Variants in SLURP2 observed in about 807,000 individuals in gnomAD.
The protein encoded by SLURP2 is secreted Ly-6/uPAR domain-containing protein 2.
Under a neutral mutation model 9.8 loss-of-function variants are expected in SLURP2, and 4 were observed. The ratio of observed to expected loss-of-function variants is 0.41; its 90% CI spans 0.20 to 0.94. The LOEUF (loss-of-function observed/expected upper bound fraction) is 0.94. Among genes scored for constraint, SLURP2 ranks in the 40% least tolerant of loss-of-function variants. The pLI is 0.32. For missense variants in SLURP2, 118 were observed against 126.4 expected, an observed-to-expected ratio of 0.93 and a Z score of 0.32; for synonymous variants, 58 against 56.2, an observed-to-expected ratio of 1.03 and a Z score of -0.15.
chr8:142,767,514 C>A (rs752939923), intron 1 of SLURP2, among the ~76,000 whole-genome samples: 54 of 152,160 alleles, frequency 3.5e-4, no homozygotes, highest in African/African-American at 9.4e-4. Context: ...GATATGGGTG[C>A]CCAAGGGTGC....
At position 142,768,905 on chromosome 8, in the gene SLURP2, G is replaced by C. The variant is rs587707829; in HGVS notation, c.52+850C>G. Among the ~76,000 whole-genome samples, 404 of 152,284 alleles carry C rather than the reference G, an allele frequency of 2.7e-3. 5 individuals are homozygous for C. The highest frequency in any genetic ancestry group is 8.9e-3 in the African/African-American group (370 of 41,552). On this transcript the variant is annotated intron_variant, in intron 1 of 2. Coordinates refer to ENST00000317543, the MANE Select transcript of SLURP2 (RefSeq NM_177458.3). The surrounding 1 kb of genome is among the most constrained non-coding windows in gnomAD (Gnocchi z 4.8). ...GCTCATTCAGGGCCTGGGAGGCAGG[G>C]GCTGCCCAGGTCGTTCAACCCACAG...
Position 142,764,508 on chromosome 8 carries a change from G to C in SLURP2, c.*97C>G, listed in dbSNP as rs757711137. The C allele has an allele frequency of 7.9e-7, 1 of 1,270,946 alleles. No individual in the cohort carries two copies. Among genetic ancestry groups the C allele is most frequent in the Non-Finnish European group, 1.1e-6 (1 of 897,056 alleles). The allele number at this position is 1,270,946 out of a possible 1,614,324, so 78.7% of individuals were successfully genotyped here. On this transcript the variant is annotated 3_prime_UTR_variant, in exon 3 of 3. Coordinates refer to ENST00000317543, the MANE Select transcript of SLURP2 (RefSeq NM_177458.3). ...TGGCTGCAGAGGCCGGGAGAGGTGG[G>C]CTGGCCAGTCTCGAGGGAGGGGCAG...
At chr8:142,764,948 G>A in intron 2 of SLURP2, 88 bp downstream of exon 2, 1 of 1,230,750 alleles carries the variant, frequency 8.1e-7, no homozygotes, top group Non-Finnish European at 1.2e-6. Flanking sequence ...CTTACTGGGT[G>A]CCTGGATCTG....
In SLURP2 at chr8:142,764,536, G is replaced by C. The variant is rs762373757; in HGVS notation, c.*69C>G. 6.5e-7 allele frequency: 1 copy of C among 1,535,892 alleles called. No homozygotes were observed. Among genetic ancestry groups the C allele is most frequent in the African/African-American group, 1.4e-5 (1 of 72,458 alleles). On this transcript the variant is annotated 3_prime_UTR_variant, in exon 3 of 3. Transcript: ENST00000317543. ...GGCCAGTCTCGAGGGAGGGGCAGCT[G>C]TGAGCCCTGGCGCCAGGCTGTGGGG...
chr8:142,764,552 G>C lies in SLURP2; in HGVS notation c.*53C>G, dbSNP rs1587602020. The C allele has an allele frequency of 6.3e-7, 1 of 1,575,074 alleles. No individual in the cohort carries two copies. The highest frequency in any genetic ancestry group is 8.6e-7 in the Non-Finnish European group (1 of 1,160,218). ...GGGGCAGCTGTGAGCCCTGGCGCCA[G>C]GCTGTGGGGGCTGTGGGGGCTGAGC... On this transcript the variant is annotated 3_prime_UTR_variant, in exon 3 of 3. Transcript: ENST00000317543.
In SLURP2 at chr8:142,768,231, T is replaced by TG. The variant is rs200808819; in HGVS notation, c.52+1523dup. On this transcript the variant is annotated intron_variant, in intron 1 of 2. Coordinates refer to ENST00000317543, the MANE Select transcript of SLURP2 (RefSeq NM_177458.3). The surrounding 1 kb of genome is among the most constrained non-coding windows in gnomAD (Gnocchi z 4.8). ...AATAGAGAGGAGGAGGGAGGTGGGG[T>TG]GGGGGGGAGGGGGCAGGAATAATGG... is the stretch of plus-strand genomic sequence containing the variant. Among the ~76,000 whole-genome samples, 9 of 6,642 alleles carry TG rather than the reference T, an allele frequency of 1.4e-3. No individual in the cohort carries two copies. Among genetic ancestry groups the TG allele is most frequent in the African/African-American group, 3.6e-3 (9 of 2,506 alleles). 4.4% of individuals were successfully genotyped at this position (6,642 alleles called of 152,430 possible). A position where few individuals can be genotyped will look rare whatever the true frequency, so the allele number is the denominator to read the frequency against.
In SLURP2 at chr8:142,769,747, G is replaced by A; in HGVS notation, c.52+8C>T. 6.2e-7 allele frequency: 1 copy of A among 1,600,730 alleles called. No homozygotes were observed. The highest frequency in any genetic ancestry group is 8.5e-7 in the Non-Finnish European group (1 of 1,175,272). ...TGAGCAGGAGGTGGCCCCAGCCCCTGGACTCACCCAGCTGCAGGCTCAGGA... is the reference window on the plus strand; with the variant it reads ...TGAGCAGGAGGTGGCCCCAGCCCCTAGACTCACCCAGCTGCAGGCTCAGGA... On this transcript the variant is annotated splice_region_variant and intron_variant, in intron 1 of 2. Transcript: ENST00000317543.
chr8:142,765,682 C>G (rs867496225), intron 1 of SLURP2, among the ~76,000 whole-genome samples: 48 of 152,248 alleles, frequency 3.2e-4, no homozygotes, highest in Middle Eastern at 3.4e-3. Context: ...ATGTGTAGGC[C>G]GGGCGCGGTG....
At chr8:142,767,023 C>T (rs1815027568) in intron 1 of SLURP2, among the ~76,000 whole-genome samples, 1 of 152,234 alleles carries the variant, frequency 6.6e-6, no homozygotes, top group Non-Finnish European at 1.5e-5. Context: ...TGGAGTCAGC[C>T]CCAGTCAGTG....
At position 142,768,193 on chromosome 8, in the gene SLURP2, A is replaced by G. The variant is rs1346391195; in HGVS notation, c.52+1562T>C. On this transcript the variant is annotated intron_variant, in intron 1 of 2. Transcript: ENST00000317543. The surrounding 1 kb of genome is among the most constrained non-coding windows in gnomAD (Gnocchi z 4.8). Reference sequence around the variant, plus strand: ...AGGAGGAGAGGAAGGAAGGAAGGGAAGGAGGGAGGAGGAATAGAGAGGAGG... The same window carrying G: ...AGGAGGAGAGGAAGGAAGGAAGGGAGGGAGGGAGGAGGAATAGAGAGGAGG... 1.8e-5 allele frequency among the ~76,000 whole-genome samples: 2 copies of G among 113,250 alleles called. No individual in the cohort carries two copies. Among genetic ancestry groups the G allele is most frequent in the African/African-American group, 6.8e-5 (2 of 29,330 alleles). 74.3% of individuals were successfully genotyped at this position (113,250 alleles called of 152,430 possible).
intron 1 of SLURP2, among the ~76,000 whole-genome samples, chr8:142,767,258 C>A (rs73718204): frequency 0.013 from 2,031 of 152,354 alleles, 45 homozygotes; most frequent in African/African-American, 0.045. Context: ...CCTCTACCAG[C>A]CCCGGAGAGC....
chr8:142,766,152 C>T (rs1239457278), intron 1 of SLURP2: 1 of 152,156 alleles, frequency 6.6e-6, no homozygotes, highest in Non-Finnish European at 1.5e-5. Context: ...TGTGGAGACA[C>T]CGTTTCTCTA....
At position 142,768,691 on chromosome 8, in the gene SLURP2, G is replaced by A. The variant is rs149037172; in HGVS notation, c.52+1064C>T. Among the ~76,000 whole-genome samples the A allele has an allele frequency of 1.3e-5, 2 of 152,258 alleles. No homozygotes were observed. The highest frequency in any genetic ancestry group is 1.9e-4 in the East Asian group (1 of 5,176). ...ACAAAGGCCTTCTCCAGGTTAAGTCGAGTCCCCAGGCCCCTGTGTGTCTCG... is the reference window on the plus strand; with the variant it reads ...ACAAAGGCCTTCTCCAGGTTAAGTCAAGTCCCCAGGCCCCTGTGTGTCTCG... On this transcript the variant is annotated intron_variant, in intron 1 of 2. Coordinates refer to ENST00000317543, the MANE Select transcript of SLURP2 (RefSeq NM_177458.3). This position sits in a 1 kb window ranked among gnomAD's most constrained non-coding sequence, Gnocchi z 4.8.
In SLURP2 at chr8:142,765,654, A is replaced by G. The variant is rs1336098504; in HGVS notation, c.53-514T>C. Reference sequence around the variant, plus strand: ...GCGACCAGGATGTGGTGGAACAGGAATTAAAAGAAATTAAAGAATGTGTAG... The same window carrying G: ...GCGACCAGGATGTGGTGGAACAGGAGTTAAAAGAAATTAAAGAATGTGTAG... On this transcript the variant is annotated intron_variant, in intron 1 of 2. Transcript: ENST00000317543. Among the ~76,000 whole-genome samples the G allele has an allele frequency of 2.6e-5, 4 of 152,174 alleles. No homozygotes were observed. In the East Asian group the frequency reaches 5.8e-4, roughly 22 times the overall value.
chr8:142,764,994 G>A (rs770636631), intron 2 of SLURP2, 42 bp downstream of exon 2: 2 of 1,517,614 alleles, frequency 1.3e-6, no homozygotes, highest in Admixed American at 1.8e-5. Flanking sequence ...CTTCCCACCT[G>A]GGCAAGAAGG....
At chr8:142,764,813 C>A (rs955073811) in intron 2 of SLURP2, 72 bp from the exon 3 acceptor site, 49 of 1,565,448 alleles carry the variant, frequency 3.1e-5, no homozygotes, top group Non-Finnish European at 3.4e-5. Context: ...GCCCCATCTG[C>A]CACTGAGCTG....
At chr8:142,766,711 C>T (rs760548920) in intron 1 of SLURP2, among the ~76,000 whole-genome samples, 7 of 152,308 alleles carry the variant, frequency 4.6e-5, no homozygotes, top group Middle Eastern at 6.8e-3. Flanking sequence ...TCTCAGCCTC[C>T]AACTCCCTCC....
intron 1 of SLURP2, 126 bp from the exon 2 acceptor site, chr8:142,765,266 A>T (rs1351092407): frequency 9.7e-6 from 7 of 723,560 alleles, no homozygotes; most frequent in Admixed American, 2.4e-5. Context: ...CAGTGTCCCG[A>T]CCCTGTGATC....
chr8:142,764,496 C>T lies in SLURP2; in HGVS notation c.*109G>A, dbSNP rs763685830. ...GGTGCTGGACGGTGGCTGCAGAGGC[C>T]GGGAGAGGTGGGCTGGCCAGTCTCG... On this transcript the variant is annotated 3_prime_UTR_variant, in exon 3 of 3. Coordinates refer to ENST00000317543, the MANE Select transcript of SLURP2 (RefSeq NM_177458.3). 35 of 1,151,462 alleles carry T rather than the reference C, an allele frequency of 3.0e-5. No individual in the cohort carries two copies. In the East Asian group the frequency reaches 3.5e-4, roughly 12 times the overall value. The allele number at this position is 1,151,462 out of a possible 1,614,324, so 71.3% of individuals were successfully genotyped here.
Sources: allele counts gnomAD v4.1 joint callset (sites outside exome capture counted in the v4.1 genomes callset), GRCh38; gene constraint gnomAD v4.1.1; non-coding constraint Gnocchi (gnomAD v3.1); transcripts MANE v1.5; gene names NCBI Gene and HGNC (gene_info 2026-07-23, HGNC 2026-07-21).